The following DHRSX variants were observed in gnomAD, a reference collection of about 807,000 sequenced individuals.
DHRSX encodes the protein dehydrogenase/reductase X-linked, also known as polyprenol dehydrogenase.
DHRSX carries 31 observed loss-of-function variants against 34.0 expected under a neutral mutation model. The observed-to-expected ratio is 0.91, with a 90% CI of 0.69 to 1.23. The LOEUF is 1.23. Among genes scored for constraint, DHRSX ranks in the 50% most tolerant of loss-of-function variants. The probability of loss-of-function intolerance (pLI) is 0.00; values close to 1 mark genes in which losing one functional copy is unlikely to be tolerated. For synonymous variants in DHRSX, 201 were observed against 183.8 expected (o/e 1.09, Z -0.76); for missense variants, 414 against 428.1 (o/e 0.97, Z 0.29).
chrX:2,233,784 A>G (rs781196902), intron 6 of DHRSX, among the ~76,000 whole-genome samples: 1 of 152,232 alleles, frequency 6.6e-6, no homozygotes, highest in South Asian at 2.1e-4. Context: ...AAAAGATGAA[A>G]CACACACAAA....
At chrX:2,423,806 T>A (rs567267294) in intron 2 of DHRSX, among the ~76,000 whole-genome samples, 1 of 151,866 alleles carries the variant, frequency 6.6e-6, no homozygotes, top group African/African-American at 2.4e-5. Context: ...ATATTCCCAG[T>A]TGAAGGGAGA....
At chrX:2,454,932 G>A (rs2044275144) in intron 1 of DHRSX, among the ~76,000 whole-genome samples, 1 of 151,924 alleles carries the variant, frequency 6.6e-6, no homozygotes, top group African/African-American at 2.4e-5. Context: ...GTCCAACATG[G>A]AGAAACCCTG....
intron 2 of DHRSX, among the ~76,000 whole-genome samples, chrX:2,409,248 C>T (rs1210386768): frequency 4.6e-5 from 7 of 152,188 alleles, no homozygotes; most frequent in Non-Finnish European, 1.0e-4. Flanking sequence ...ACCGTGGTTC[C>T]TACTACGTGC....
intron 3 of DHRSX, among the ~76,000 whole-genome samples, chrX:2,349,414 C>T (rs1293224607): frequency 6.6e-6 from 1 of 152,064 alleles, no homozygotes; most frequent in East Asian, 1.9e-4. Context: ...TTGGGCCAGG[C>T]GCGGTGCCTG....
intron 3 of DHRSX, among the ~76,000 whole-genome samples, chrX:2,301,689 AG>A (rs2042011905): frequency 6.6e-6 from 1 of 151,928 alleles, no homozygotes; most frequent in African/African-American, 2.4e-5. Context: ...CTCAGGCTGA[AG>A]TGCGGTGGTG....
At chrX:2,230,872 C>T (rs1415698038) in intron 6 of DHRSX, among the ~76,000 whole-genome samples, 2 of 152,168 alleles carry the variant, frequency 1.3e-5, no homozygotes, top group African/African-American at 2.4e-5. Flanking sequence ...TAAACTAAAT[C>T]TTTCTCTATG....
At chrX:2,369,851 C>G (rs1485576802) in intron 3 of DHRSX, among the ~76,000 whole-genome samples, 1 of 152,106 alleles carries the variant, frequency 6.6e-6, no homozygotes, top group African/African-American at 2.4e-5. Flanking sequence ...CCATGTTGGT[C>G]AGGCTGGTCT....
chrX:2,347,655 C>CGGCA (rs1348784004), intron 3 of DHRSX, among the ~76,000 whole-genome samples: 8 of 152,162 alleles, frequency 5.3e-5, no homozygotes, highest in African/African-American at 1.7e-4. Context: ...GATCATGCCA[C>CGGCA]GGCACTCCAG....
chrX:2,291,757 G>T (rs1277772761), intron 3 of DHRSX, 154 bp from the exon 4 acceptor site: 1 of 160,354 alleles, frequency 6.2e-6, no homozygotes, highest in Admixed American at 6.6e-5. Flanking sequence ...TCTGTTGACC[G>T]GGCTGGAGTG....
chrX:2,497,192 T>A (rs5939505), intron 1 of DHRSX, among the ~76,000 whole-genome samples: 1 of 151,984 alleles, frequency 6.6e-6, no homozygotes, highest in Non-Finnish European at 1.5e-5. Context: ...GTCAGGAGTT[T>A]GAGACCAGCC....
intron 6 of DHRSX, 77 bp downstream of exon 6, chrX:2,242,946 G>T (rs981375706): frequency 8.5e-6 from 12 of 1,411,826 alleles, no homozygotes; most frequent in African/African-American, 1.4e-5. Context: ...ACCCTCCCTT[G>T]GGGTCTGGAC....
chrX:2,313,577 C>T (rs1189201828), intron 3 of DHRSX, among the ~76,000 whole-genome samples: 1 of 151,966 alleles, frequency 6.6e-6, no homozygotes, highest in Non-Finnish European at 1.5e-5. Context: ...CCATGTTGGC[C>T]AGGATGGTCT....
intron 3 of DHRSX, among the ~76,000 whole-genome samples, chrX:2,350,494 G>A (rs1001239819): frequency 1.1e-4 from 16 of 152,170 alleles, no homozygotes; most frequent in African/African-American, 3.6e-4. Flanking sequence ...GACAAATACC[G>A]CATGATGTCA....
chrX:2,266,035 A>G (rs774579884), intron 5 of DHRSX, among the ~76,000 whole-genome samples: 4 of 138,618 alleles, frequency 2.9e-5, no homozygotes, highest in South Asian at 2.4e-4. Flanking sequence ...CCAGAGCACC[A>G]GTGTACAGCA....
intron 1 of DHRSX, among the ~76,000 whole-genome samples, chrX:2,496,777 T>C (rs1422110521): frequency 6.6e-6 from 1 of 151,364 alleles, no homozygotes; most frequent in Non-Finnish European, 1.5e-5. Flanking sequence ...TACACATTTA[T>C]ATATTTATAT....
At chrX:2,479,411 T>C (rs1045941656) in intron 1 of DHRSX, among the ~76,000 whole-genome samples, 2 of 149,380 alleles carry the variant, frequency 1.3e-5, no homozygotes, top group Non-Finnish European at 3.0e-5. Context: ...ACCACCACCA[T>C]GTGCACACTG....
At position 2,400,934 on chromosome X, in the gene DHRSX, G is replaced by A. The variant is rs141921930; in HGVS notation, c.286+7811C>T. Among the ~76,000 whole-genome samples the A allele has an allele frequency of 7.4e-3, 1,126 of 152,172 alleles. 16 individuals carry two copies. Among genetic ancestry groups the A allele is most frequent in the African/African-American group, 0.026 (1,071 of 41,520 alleles). On this transcript the variant is annotated intron_variant, in intron 3 of 6. Transcript: ENST00000334651. ...TCAAAGTAGAAGTGCCTCCCAAGGC[G>A]GCGTGCAAAATTTACCTTCTTGACA...
At chrX:2,275,496 C>T (rs1249483758) in intron 4 of DHRSX, among the ~76,000 whole-genome samples, 3 of 131,378 alleles carry the variant, frequency 2.3e-5, no homozygotes, top group Non-Finnish European at 4.9e-5. Flanking sequence ...CCGACAACAG[C>T]GAGACTATGT....
At chrX:2,485,731 GAAAA>G (rs2044884652) in intron 1 of DHRSX, among the ~76,000 whole-genome samples, 1 of 77,378 alleles carries the variant, frequency 1.3e-5, no homozygotes, top group Non-Finnish European at 2.4e-5. Context: ...AAGGAAGGGA[GAAAA>G]GGGAGAGAAG....
Sources: gnomAD v4.1 joint callset for allele counts (sites outside exome capture counted in the v4.1 genomes callset) on GRCh38, gnomAD v4.1.1 for gene constraint, MANE v1.5 for transcripts, NCBI Gene and HGNC (gene_info 2026-07-23, HGNC 2026-07-21) for gene names.